Variants in CLVS1 observed in about 807,000 individuals in gnomAD.
CLVS1 encodes the protein clavesin 1.
A neutral mutation model predicts 33.1 loss-of-function variants in CLVS1; 10 were observed. That is an observed-to-expected ratio of 0.30 (90% CI 0.19 to 0.51). CLVS1 has a LOEUF of 0.51. Ranked by LOEUF, CLVS1 falls within the 20% of genes least tolerant of loss-of-function variation. The probability of loss-of-function intolerance (pLI) is 0.97; values close to 1 mark genes in which losing one functional copy is unlikely to be tolerated. For missense variants in CLVS1, 343 were observed against 433.4 expected, an observed-to-expected ratio of 0.79 and a Z score of 1.85; for synonymous variants, 163 against 166.1, an observed-to-expected ratio of 0.98 and a Z score of 0.14.
rs2444 is a variant in CLVS1, at chr8:61,499,744, T to C, written c.*202T>C. On this transcript the variant is annotated 3_prime_UTR_variant, in exon 6 of 6. Coordinates refer to ENST00000325897, the MANE Select transcript of CLVS1 (RefSeq NM_173519.3). ...AAAGACTTGAGAGATGCTTTTTTTT[T>C]CCCCCAGTGAGGGGACTGGAGGATG... 127,642 of 390,146 alleles carry C rather than the reference T, an allele frequency of 0.33. 24,330 individuals carry two copies. The highest frequency in any genetic ancestry group is 0.6 in the African/African-American group (29,752 of 49,608). The allele number at this position is 390,146 out of a possible 1,614,324, so 24.2% of individuals were successfully genotyped here.
In CLVS1 at chr8:61,501,375, T is replaced by C. The variant is rs181143951; in HGVS notation, c.*1833T>C. The C allele has an allele frequency of 6.6e-5, 10 of 152,306 alleles. No homozygotes were observed. The East Asian group carries it at 1.9e-3, about 29-fold the overall frequency. 9.4% of individuals were successfully genotyped at this position (152,306 alleles called of 1,614,324 possible). A position where few individuals can be genotyped will look rare whatever the true frequency, so the allele number is the denominator to read the frequency against. On this transcript the variant is annotated 3_prime_UTR_variant, in exon 6 of 6. Transcript: ENST00000325897. ...CAATTGGCAATACTTAGAACCTTAC[T>C]GTAGTGACCTGATTTTAAATACCAT...
At chr8:61,412,503 A>T (rs970151875) in intron 3 of CLVS1, among the ~76,000 whole-genome samples, 1 of 152,208 alleles carries the variant, frequency 6.6e-6, no homozygotes, top group African/African-American at 2.4e-5. Context: ...TACTGTGGCT[A>T]TAAGAAGGGA....
At chr8:61,341,343 A>C (rs1812022363) in intron 2 of CLVS1, among the ~76,000 whole-genome samples, 1 of 152,206 alleles carries the variant, frequency 6.6e-6, no homozygotes, top group African/African-American at 2.4e-5. Context: ...CCACAAATGA[A>C]TGGAGGCATT....
At chr8:61,215,315 C>T (rs796083916) in intron 2 of CLVS1, among the ~76,000 whole-genome samples, 2 of 151,972 alleles carry the variant, frequency 1.3e-5, no homozygotes, top group South Asian at 2.1e-4. Flanking sequence ...TTATAATGGG[C>T]TATATAAAAG....
intron 2 of CLVS1, among the ~76,000 whole-genome samples, chr8:61,138,551 C>T (rs936170556): frequency 6.9e-6 from 1 of 144,868 alleles, no homozygotes; most frequent in Non-Finnish European, 1.5e-5. Context: ...CCCTCTAGCA[C>T]GGAGGGGAGG....
At chr8:61,206,271 G>C (rs1807838306) in intron 2 of CLVS1, among the ~76,000 whole-genome samples, 1 of 152,166 alleles carries the variant, frequency 6.6e-6, no homozygotes, top group South Asian at 2.1e-4. Flanking sequence ...CAATTTGGCA[G>C]AGTAATATCC....
intron 2 of CLVS1, among the ~76,000 whole-genome samples, chr8:61,166,890 C>T (rs7464780): frequency 0.76 from 111,660 of 146,904 alleles, 43,541 homozygotes; most frequent in Middle Eastern, 0.93. Flanking sequence ...TCTTTTTTTT[C>T]TTTTTTCTTT....
intron 2 of CLVS1, among the ~76,000 whole-genome samples, chr8:61,158,871 C>T (rs142137199): frequency 0.01 from 1,531 of 152,182 alleles, 13 homozygotes; most frequent in Non-Finnish European, 0.015. Flanking sequence ...CAAGGTCTTG[C>T]TGTATTGCCA....
At chr8:61,327,136 G>A (rs922088204) in intron 2 of CLVS1, among the ~76,000 whole-genome samples, 2 of 152,112 alleles carry the variant, frequency 1.3e-5, no homozygotes, top group African/African-American at 4.8e-5. Context: ...CAGCATGAGA[G>A]AATTAAAAGT....
chr8:61,117,008 G>A (rs1805737726), intron 1 of CLVS1, among the ~76,000 whole-genome samples: 1 of 140,070 alleles, frequency 7.1e-6, no homozygotes, highest in Non-Finnish European at 1.5e-5. Context: ...CATGAGCATG[G>A]AATGTTCTTC....
At chr8:61,172,634 A>C (rs532730261) in intron 2 of CLVS1, among the ~76,000 whole-genome samples, 4 of 152,326 alleles carry the variant, frequency 2.6e-5, no homozygotes, top group Admixed American at 1.3e-4. Flanking sequence ...TAGAGGCTTC[A>C]TTACAGAGGG....
At position 61,458,504 on chromosome 8, in the gene CLVS1, G is replaced by C; in HGVS notation, c.939G>C (p.Ser313=). The part of the protein sequence containing the change: ...YNAMHVKHTS[S]NLERECSPKL... Reference sequence around the variant, plus strand: ...CAATGCACGTGAAGCATACGTCCTCGAATCTGGAGAGAGAATGCTCACCCA... The same window carrying C: ...CAATGCACGTGAAGCATACGTCCTCCAATCTGGAGAGAGAATGCTCACCCA... Residue 313 remains serine (S), a synonymous_variant, in exon 5 of 6, where the codon TCG becomes TCC. Transcript: ENST00000325897. 1 of 1,612,910 alleles carries C rather than the reference G, an allele frequency of 6.2e-7. No homozygotes were observed. The highest frequency in any genetic ancestry group is 1.7e-4 in the Middle Eastern group (1 of 6,056).
At chr8:61,471,534 G>T (rs1222693459) in intron 5 of CLVS1, among the ~76,000 whole-genome samples, 1 of 152,156 alleles carries the variant, frequency 6.6e-6, no homozygotes, top group Non-Finnish European at 1.5e-5. Context: ...CTTTGCCTTA[G>T]TTTTTGCATA....
chr8:61,477,280 C>T (rs1326844224), intron 5 of CLVS1, among the ~76,000 whole-genome samples: 7 of 151,996 alleles, frequency 4.6e-5, no homozygotes, highest in African/African-American at 1.7e-4. Context: ...TGTGTCTCTG[C>T]CAGGCTTTGG....
chr8:61,025,428 G>A, the CLVS1 span, among the ~76,000 whole-genome samples: 1 of 152,196 alleles, frequency 6.6e-6, no homozygotes, highest in Admixed American at 6.5e-5. Context: ...GAGGAACAGA[G>A]TGAATCATGC....
At chr8:61,164,207 C>T (rs1256954499) in intron 2 of CLVS1, among the ~76,000 whole-genome samples, 1 of 152,158 alleles carries the variant, frequency 6.6e-6, no homozygotes, top group Admixed American at 6.5e-5. Flanking sequence ...GGTCACCTTC[C>T]CCAACTAGGC....
chr8:61,399,559 T>A (rs183987203), intron 3 of CLVS1, among the ~76,000 whole-genome samples: 128 of 152,360 alleles, frequency 8.4e-4, no homozygotes, highest in Middle Eastern at 3.4e-3. Context: ...TTTGTCAATT[T>A]TTGCTTTTGT....
intron 2 of CLVS1, among the ~76,000 whole-genome samples, chr8:61,163,332 CT>C (rs1442534990): frequency 4.6e-5 from 7 of 152,134 alleles, no homozygotes; most frequent in Non-Finnish European, 8.8e-5. Flanking sequence ...TTATTCTAAA[CT>C]TAAAAAAATT....
chr8:61,420,751 C>T (rs1262784666), intron 3 of CLVS1, among the ~76,000 whole-genome samples: 2 of 152,006 alleles, frequency 1.3e-5, no homozygotes, highest in African/African-American at 4.8e-5. Flanking sequence ...GGCGGATCAC[C>T]TGAAGTCAGG....
Sources: gnomAD v4.1 joint callset for allele counts (sites outside exome capture counted in the v4.1 genomes callset) on GRCh38, gnomAD v4.1.1 for gene constraint, MANE v1.5 for transcripts, NCBI Gene and HGNC (gene_info 2026-07-23, HGNC 2026-07-21) for gene names.